Variants in EZR observed in about 807,000 individuals in gnomAD.
The protein encoded by EZR is cytovillin 2.
EZR carries 40 observed loss-of-function variants against 74.8 expected under a neutral mutation model. The observed-to-expected ratio is 0.53, with a 90% CI of 0.42 to 0.70. The LOEUF is 0.70. Among genes scored for constraint, EZR ranks in the 30% least tolerant of loss-of-function variants. The probability of loss-of-function intolerance (pLI) is 0.00; values close to 1 mark genes in which losing one functional copy is unlikely to be tolerated. For missense variants in EZR, 678 were observed against 755.8 expected (o/e 0.90, Z 1.21); for synonymous variants, 341 against 283.3 (o/e 1.20, Z -2.05).
Position 158,771,295 on chromosome 6 carries a change from T to A in EZR, c.908A>T (p.Gln303Leu), listed in dbSNP as rs1198708478. 2.5e-6 allele frequency: 4 copies of A among 1,614,064 alleles called. No individual in the cohort carries two copies. The highest frequency in any genetic ancestry group is 3.4e-6 in the Non-Finnish European group (4 of 1,180,014). The change falls in exon 9 of 14, where the codon CAG becomes CTG. Residue 303 changes from glutamine to leucine, a missense_variant. Gln to Leu is a moderately radical substitution (Grantham distance 113). Transcript: ENST00000367075. ...CTCCCGGGCCTGGGCCTTCATCTGCTGCACCTCGATGGTGTCAGGCTTCCT... is the reference window on the plus strand; with the variant it reads ...CTCCCGGGCCTGGGCCTTCATCTGCAGCACCTCGATGGTGTCAGGCTTCCT... ...RRRKPDTIEV[Q>L]QMKAQAREEK...
chr6:158,805,146 TC>T (rs1777306915), intron 2 of EZR, among the ~76,000 whole-genome samples: 1 of 151,634 alleles, frequency 6.6e-6, no homozygotes, highest in Admixed American at 6.6e-5. Context: ...ACCAAGACCA[TC>T]CTGGCCAACA....
intron 4 of EZR, 35 bp from the exon 5 acceptor site, chr6:158,785,618 C>T (rs769305885): frequency 5.6e-6 from 9 of 1,604,750 alleles, no homozygotes; most frequent in East Asian, 2.2e-5. Context: ...CACACAAATC[C>T]GGAAGACGAA....
chr6:158,774,933 G>A (rs774644514), intron 8 of EZR, among the ~76,000 whole-genome samples: 2 of 151,898 alleles, frequency 1.3e-5, no homozygotes, highest in South Asian at 4.2e-4. Context: ...ATGAACTGCT[G>A]CCATGGAGCC....
chr6:158,806,132 C>T (rs943906813), intron 2 of EZR, among the ~76,000 whole-genome samples: 2 of 152,218 alleles, frequency 1.3e-5, no homozygotes, highest in Admixed American at 6.5e-5. Flanking sequence ...TGAGTAGTGA[C>T]CTCCTTTTAA....
chr6:158,807,314 CAAA>C (rs56041297), intron 2 of EZR, among the ~76,000 whole-genome samples: 6 of 136,210 alleles, frequency 4.4e-5, no homozygotes, highest in South Asian at 2.4e-4. Flanking sequence ...GACTCCGTCT[CAAA>C]AAAAAAAAAA....
chr6:158,817,050 A>C (rs1777572828), intron 2 of EZR, among the ~76,000 whole-genome samples: 1 of 152,082 alleles, frequency 6.6e-6, no homozygotes, highest in Admixed American at 6.6e-5. Context: ...ATGCCACTGC[A>C]CTCCAGCCTG....
intron 2 of EZR, among the ~76,000 whole-genome samples, chr6:158,816,228 G>A (rs1381288952): frequency 6.6e-6 from 1 of 152,210 alleles, no homozygotes; most frequent in African/African-American, 2.4e-5. Context: ...GGAAGATAAA[G>A]TTCTGGAGAT....
intron 6 of EZR, 150 bp downstream of exon 6, chr6:158,784,494 C>T: frequency 1.6e-6 from 1 of 641,658 alleles, no homozygotes; most frequent in Non-Finnish European, 2.6e-6. Flanking sequence ...AAACCTCTTC[C>T]CTAAGAAAAC....
intron 2 of EZR, among the ~76,000 whole-genome samples, chr6:158,803,348 CT>C (rs954604382): frequency 6.6e-6 from 1 of 150,758 alleles, no homozygotes; most frequent in Non-Finnish European, 1.5e-5. Flanking sequence ...GTCTGATGAC[CT>C]TTTTTTAATG....
chr6:158,767,635 G>A lies in EZR; in HGVS notation c.1345-123C>T, dbSNP rs556609088. The stretch of plus-strand genomic sequence containing the variant: ...AGGCAGCACTGAACTGTGCTGGGCT[G>A]TGGCTTCGAAGAGGAGCACCCTCAG... On this transcript the variant is annotated intron_variant, in intron 12 of 13. Coordinates refer to ENST00000367075, the MANE Select transcript of EZR (RefSeq NM_001111077.2). The A allele has an allele frequency of 2.7e-5, 28 of 1,048,320 alleles. No homozygotes were observed. The East Asian group carries it at 7.1e-4, about 26-fold the overall frequency. 64.9% of individuals were successfully genotyped at this position (1,048,320 alleles called of 1,614,324 possible).
chr6:158,787,051 T>A, intron 4 of EZR, 57 bp downstream of exon 4: 1 of 1,369,978 alleles, frequency 7.3e-7, no homozygotes, highest in Non-Finnish European at 1.0e-6. Flanking sequence ...AGTTTCCTTA[T>A]CGATGAAGCA....
At chr6:158,803,582 CATATATAT>C (rs60495898) in intron 2 of EZR, among the ~76,000 whole-genome samples, 2 of 43,668 alleles carry the variant, frequency 4.6e-5, no homozygotes, top group African/African-American at 1.3e-4. Flanking sequence ...TATATATATA[CATATATAT>C]ATATATATAT....
rs141046324 is a variant in EZR at position 158,769,377 on chromosome 6, C to T, written c.1293G>A (p.Leu431=). 10 of 1,609,236 alleles carry T rather than the reference C, an allele frequency of 6.2e-6. No individual in the cohort carries two copies. Among genetic ancestry groups the T allele is most frequent in the Non-Finnish European group, 8.5e-6 (10 of 1,180,018 alleles). ...LAEYTAKIAL[L]EEARRRKEDE... ...CCTCCTTGCGCCTCCGCGCCTCTTC[C>T]AGGAGGGCAATCTTGGCAGTGTATT... Residue 431 remains leucine (L), a synonymous_variant, in exon 12 of 14, where the codon CTG becomes CTA. Coordinates refer to ENST00000367075, the MANE Select transcript of EZR (RefSeq NM_001111077.2).
chr6:158,783,669 A>G lies in EZR; in HGVS notation c.552-3T>C. ...GGTATTCCAACATAGCATTATCTCT[A>G]ATTGGGGAGAGTGAAACAGGCAGAG... is the stretch of plus-strand genomic sequence containing the variant. On this transcript the variant is annotated splice_region_variant and splice_polypyrimidine_tract_variant and intron_variant, in intron 6 of 13. Coordinates refer to ENST00000367075, the MANE Select transcript of EZR (RefSeq NM_001111077.2). The G allele has an allele frequency of 6.2e-7, 1 of 1,612,980 alleles. No individual in the cohort carries two copies. The highest frequency in any genetic ancestry group is 8.5e-7 in the Non-Finnish European group (1 of 1,179,406).
intron 2 of EZR, among the ~76,000 whole-genome samples, chr6:158,799,202 A>G (rs1227315373): frequency 6.6e-6 from 1 of 152,084 alleles, no homozygotes; most frequent in Non-Finnish European, 1.5e-5. Flanking sequence ...GAGGCGCTCA[A>G]ACTTGAACAT....
chr6:158,794,082 G>C (rs1791810901), intron 2 of EZR, among the ~76,000 whole-genome samples: 1 of 152,176 alleles, frequency 6.6e-6, no homozygotes, highest in Non-Finnish European at 1.5e-5. Context: ...TTCGAGACCG[G>C]CCTGGCCAAC....
intron 2 of EZR, among the ~76,000 whole-genome samples, chr6:158,817,261 T>C (rs1018464673): frequency 2.6e-5 from 4 of 152,148 alleles, no homozygotes; most frequent in African/African-American, 4.8e-5. Flanking sequence ...AGTCACCAGT[T>C]CCCCAGTGTT....
chr6:158,816,569 T>C (rs563835124), intron 2 of EZR, among the ~76,000 whole-genome samples: 4 of 152,228 alleles, frequency 2.6e-5, no homozygotes, highest in Non-Finnish European at 5.9e-5. Flanking sequence ...GTCAGTTTCA[T>C]ACCACATGCA....
chr6:158,789,499 A>C (rs771882366), intron 2 of EZR, 128 bp from the exon 3 acceptor site: 22 of 867,306 alleles, frequency 2.5e-5, no homozygotes, highest in Non-Finnish European at 4.3e-5. Flanking sequence ...TTCCTGTGCT[A>C]GTCAGGAAGC....
Sources: gnomAD v4.1 joint callset for allele counts (sites outside exome capture counted in the v4.1 genomes callset) on GRCh38, gnomAD v4.1.1 for gene constraint, MANE v1.5 for transcripts, NCBI Gene and HGNC (gene_info 2026-07-23, HGNC 2026-07-21) for gene names.